SEC14L1: variants seen among roughly 807,000 people sequenced by gnomAD.
The protein encoded by SEC14L1 is SEC14 like lipid binding 1.
In SEC14L1, 48 loss-of-function variants were observed where a neutral mutation model predicts 85.3. The ratio of observed to expected loss-of-function variants is 0.56; its 90% CI spans 0.45 to 0.72. SEC14L1 has a LOEUF of 0.72. Ranked by LOEUF, SEC14L1 falls within the 30% of genes least tolerant of loss-of-function variation. The probability of loss-of-function intolerance (pLI) is 0.00; values close to 1 mark genes in which losing one functional copy is unlikely to be tolerated. For synonymous variants in SEC14L1, 391 were observed against 355.5 expected (o/e 1.10, Z -1.12); for missense variants, 682 against 921.4 (o/e 0.74, Z 3.36).
intron 3 of SEC14L1, among the ~76,000 whole-genome samples, chr17:77,104,513 C>T (rs1971860531): frequency 7.0e-6 from 1 of 142,178 alleles, no homozygotes. Context: ...TGTTTTTGGC[C>T]TGGTGTGGTG....
intron 3 of SEC14L1, among the ~76,000 whole-genome samples, chr17:77,111,036 T>G (rs2143361159): frequency 6.8e-6 from 1 of 147,858 alleles, no homozygotes; most frequent in African/African-American, 2.5e-5. Context: ...TCTGCAAAAA[T>G]ACAAAAATTA....
intron 3 of SEC14L1, among the ~76,000 whole-genome samples, chr17:77,120,364 G>C (rs1318616012): frequency 6.6e-6 from 1 of 152,172 alleles, no homozygotes; most frequent in Non-Finnish European, 1.5e-5. Context: ...TGCCATCACA[G>C]AGGGACGAGG....
intron 3 of SEC14L1, among the ~76,000 whole-genome samples, chr17:77,101,686 C>T (rs949122994): frequency 1.3e-5 from 2 of 152,156 alleles, no homozygotes; most frequent in Non-Finnish European, 2.9e-5. Context: ...GCTGGAGATT[C>T]GGCAGTTCTC....
intron 3 of SEC14L1, among the ~76,000 whole-genome samples, chr17:77,124,020 T>C (rs937011034): frequency 3.9e-5 from 6 of 152,216 alleles, no homozygotes; most frequent in African/African-American, 9.7e-5. Context: ...GGTTCCTCTA[T>C]GAAAGCTTCT....
At chr17:77,175,745 G>A (rs898394407) in intron 3 of SEC14L1, among the ~76,000 whole-genome samples, 1 of 152,170 alleles carries the variant, frequency 6.6e-6, no homozygotes, top group East Asian at 1.9e-4. Flanking sequence ...GAGCACATTA[G>A]ATAATATTAT....
At chr17:77,141,135 G>T (rs1383133952) in intron 1 of SEC14L1, 28 bp downstream of exon 1, 2 of 151,744 alleles carry the variant, frequency 1.3e-5, no homozygotes, top group Admixed American at 1.3e-4. Flanking sequence ...GCGGGTCCGA[G>T]TGCGCCCTCG....
intron 7 of SEC14L1, 187 bp downstream of exon 7, chr17:77,195,098 G>C: frequency 1.7e-6 from 1 of 573,012 alleles, no homozygotes; most frequent in Non-Finnish European, 3.1e-6. Context: ...CCTTTTATTA[G>C]ATTTTTTGTT....
chr17:77,097,690 T>G (rs985228272), intron 3 of SEC14L1, among the ~76,000 whole-genome samples: 2 of 152,188 alleles, frequency 1.3e-5, no homozygotes, highest in Non-Finnish European at 2.9e-5. Flanking sequence ...GTACTGTACG[T>G]TCTCTGGCTT....
intron 3 of SEC14L1, among the ~76,000 whole-genome samples, chr17:77,108,787 CAAAAAA>C (rs60644460): frequency 3.5e-5 from 4 of 113,102 alleles, no homozygotes; most frequent in Non-Finnish European, 3.5e-5. Flanking sequence ...TCTCTGTCTC[CAAAAAA>C]AAAAAAAAAA....
chr17:77,211,938 C>T lies in SEC14L1; in HGVS notation c.1612-12C>T, dbSNP rs1976774012. 6.2e-7 allele frequency: 1 copy of T among 1,612,532 alleles called. No homozygotes were observed. Among genetic ancestry groups the T allele is most frequent in the Non-Finnish European group, 8.5e-7 (1 of 1,178,896 alleles). ...CGTGGATCGTGGCTGCCTAACGCTG[C>T]CTCTTTTTCAGATTCTCATTCAGAT... is the stretch of plus-strand genomic sequence containing the variant. On this transcript the variant is annotated splice_polypyrimidine_tract_variant and intron_variant, in intron 14 of 16. Coordinates refer to ENST00000436233, the MANE Select transcript of SEC14L1 (RefSeq NM_001143998.2).
chr17:77,100,415 TCTCTCTCTCTC>T (rs1971747560), intron 3 of SEC14L1, among the ~76,000 whole-genome samples: 4 of 57,776 alleles, frequency 6.9e-5, no homozygotes, highest in Admixed American at 2.0e-4. Flanking sequence ...TTCTTTTCTT[TCTCTCTCTCTC>T]TCTTTTTTTT....
intron 3 of SEC14L1, among the ~76,000 whole-genome samples, chr17:77,165,000 T>C (rs758891065): frequency 7.2e-5 from 11 of 152,216 alleles, no homozygotes; most frequent in Non-Finnish European, 1.5e-4. Context: ...AAAACGTTAA[T>C]GCCATTAGAA....
In SEC14L1 at chr17:77,213,738, A is replaced by T. The variant is rs1194199559; in HGVS notation, c.2043-180A>T. ...TTAGCTCACACTGCCGTCTGCGTGC[A>T]GGCTGTGGGAAGCCGGTCCCCCTGG... is the stretch of plus-strand genomic sequence containing the variant. On this transcript the variant is annotated intron_variant, in intron 16 of 16. Coordinates refer to ENST00000436233, the MANE Select transcript of SEC14L1 (RefSeq NM_001143998.2). The surrounding 1 kb of genome is among the most constrained non-coding windows in gnomAD (Gnocchi z 7.1). 3 of 889,862 alleles carry T rather than the reference A, an allele frequency of 3.4e-6. No homozygotes were observed. The highest frequency in any genetic ancestry group is 1.6e-5 in the African/African-American group (1 of 60,858). 55.1% of individuals were successfully genotyped at this position (889,862 alleles called of 1,614,324 possible).
intron 3 of SEC14L1, among the ~76,000 whole-genome samples, chr17:77,114,838 A>G (rs1223967452): frequency 4.3e-4 from 3 of 7,044 alleles, no homozygotes; most frequent in African/African-American, 1.1e-3. Context: ...TTCATCTCCA[A>G]AAAAAAAAAA....
chr17:77,092,539 G>T (rs1180761062), intron 2 of SEC14L1, among the ~76,000 whole-genome samples: 3 of 152,130 alleles, frequency 2.0e-5, no homozygotes, highest in Non-Finnish European at 4.4e-5. Context: ...AGTAAAGTTG[G>T]AATATGTAGG....
chr17:77,158,448 C>CT (rs1388575770), intron 3 of SEC14L1, among the ~76,000 whole-genome samples: 1 of 152,022 alleles, frequency 6.6e-6, no homozygotes, highest in Non-Finnish European at 1.5e-5. Flanking sequence ...GTTACTTGAC[C>CT]TTTTGTGTAA....
At chr17:77,137,078 T>A (rs1305773044), upstream of SEC14L1, among the ~76,000 whole-genome samples, 1 of 152,020 alleles carries the variant, frequency 6.6e-6, no homozygotes. Context: ...CCTGGTTAAT[T>A]TTGTATTTTT....
At chr17:77,126,981 T>A (rs9915011) in intron 3 of SEC14L1, among the ~76,000 whole-genome samples, 17,153 of 151,764 alleles carry the variant, frequency 0.11, 1,812 homozygotes, top group African/African-American at 0.28. Context: ...CTCTTTTTTT[T>A]AATTTTTATT....
intron 3 of SEC14L1, among the ~76,000 whole-genome samples, chr17:77,158,476 G>A (rs540143454): frequency 8.4e-4 from 128 of 152,166 alleles, no homozygotes; most frequent in African/African-American, 2.9e-3. Context: ...TTTTCACTTA[G>A]CCTAATGTCT....
Sources: gnomAD v4.1 joint callset for allele counts (sites outside exome capture counted in the v4.1 genomes callset) on GRCh38, gnomAD v4.1.1 for gene constraint, Gnocchi (gnomAD v3.1) non-coding constraint, MANE v1.5 for transcripts, NCBI Gene and HGNC (gene_info 2026-07-23, HGNC 2026-07-21) for gene names.